The following PPP2R2B variants were observed in gnomAD, a reference collection of about 807,000 sequenced individuals.
The protein encoded by PPP2R2B is protein phosphatase 2 regulatory subunit Bbeta, also known as serine/threonine-protein phosphatase 2A 55 kDa regulatory subunit B beta isoform.
Under a neutral mutation model 46.0 loss-of-function variants are expected in PPP2R2B, and 5 were observed. The ratio of observed to expected loss-of-function variants is 0.11; its 90% confidence interval spans 0.06 to 0.23. The LOEUF (loss-of-function observed/expected upper bound fraction) is 0.23, where lower values mean the gene tolerates loss of function less well. Among genes scored for constraint, PPP2R2B ranks in the 10% least tolerant of loss-of-function variants. The pLI, the probability that PPP2R2B is intolerant of heterozygous loss-of-function variation, is 1.00. For synonymous variants in PPP2R2B, 215 were observed against 206.7 expected (o/e 1.04, Z -0.34); for missense variants, 367 against 575.0 (o/e 0.64, Z 3.70).
chr5:146,699,018 G>A (rs1038544736), intron 3 of PPP2R2B, among the ~76,000 whole-genome samples: 1 of 152,112 alleles, frequency 6.6e-6, no homozygotes, highest in Non-Finnish European at 1.5e-5. Flanking sequence ...AAAGTGGAAA[G>A]GGAAGTTTTA....
chr5:146,815,801 C>T (rs1471672398), intron 2 of PPP2R2B, among the ~76,000 whole-genome samples: 1 of 152,192 alleles, frequency 6.6e-6, no homozygotes, highest in Non-Finnish European at 1.5e-5. Flanking sequence ...CAGAACATCC[C>T]TAAGGATAGG....
chr5:146,985,263 C>T (rs930694795), intron 1 of PPP2R2B, among the ~76,000 whole-genome samples: 1 of 152,050 alleles, frequency 6.6e-6, no homozygotes, highest in African/African-American at 2.4e-5. Context: ...TCGTGATCCA[C>T]CTGCCTCGGC....
At chr5:146,877,026 T>C (rs182944746) in intron 2 of PPP2R2B, among the ~76,000 whole-genome samples, 15 of 152,354 alleles carry the variant, frequency 9.8e-5, no homozygotes, top group African/African-American at 2.6e-4. Context: ...ACATACATTT[T>C]CTCGCATGGA....
intron 1 of PPP2R2B, among the ~76,000 whole-genome samples, chr5:147,018,045 A>G (rs1433641460): frequency 0.022 from 19 of 860 alleles, no homozygotes; most frequent in Non-Finnish European, 0.056. Flanking sequence ...ATGCGCGCGC[A>G]CACACACACA....
chr5:147,060,294 C>T (rs928073587), upstream of PPP2R2B, among the ~76,000 whole-genome samples: 1 of 152,162 alleles, frequency 6.6e-6, no homozygotes, highest in Admixed American at 6.5e-5. Flanking sequence ...AGGCACTGTG[C>T]ATGGTGCCAA....
chr5:147,013,054 A>G (rs1754821479), intron 1 of PPP2R2B, among the ~76,000 whole-genome samples: 1 of 151,228 alleles, frequency 6.6e-6, no homozygotes, highest in South Asian at 2.1e-4. Context: ...TACAAAATCA[A>G]CGTACAAAAA....
chr5:146,763,984 C>T (rs1582047702), intron 2 of PPP2R2B, among the ~76,000 whole-genome samples: 2 of 152,216 alleles, frequency 1.3e-5, no homozygotes, highest in South Asian at 2.1e-4. Flanking sequence ...GCCTTGGCCT[C>T]CCAAAGTGCT....
intron 2 of PPP2R2B, among the ~76,000 whole-genome samples, chr5:146,813,895 G>C (rs1213357894): frequency 6.6e-6 from 1 of 152,144 alleles, no homozygotes; most frequent in Non-Finnish European, 1.5e-5. Context: ...GTCCTGGCAA[G>C]ATGGCAACAG....
At chr5:147,081,430 G>A, upstream of PPP2R2B, 1 of 826,054 alleles carries the variant, frequency 1.2e-6, no homozygotes, top group Non-Finnish European at 1.9e-6. Context: ...GCAGCGTCCT[G>A]GAGTGGTTAC....
At chr5:147,079,469 T>TATACATAC (rs1491141938) in intron 2 of PPP2R2B, among the ~76,000 whole-genome samples, 3 of 139,054 alleles carry the variant, frequency 2.2e-5, no homozygotes, top group African/African-American at 8.0e-5. Context: ...TATATATATA[T>TATACATAC]ACATGTGCAA....
chr5:146,841,472 TCCTA>T (rs1162249987), intron 2 of PPP2R2B, among the ~76,000 whole-genome samples: 1 of 152,064 alleles, frequency 6.6e-6, no homozygotes, highest in Non-Finnish European at 1.5e-5. Context: ...AATTCCTCAT[TCCTA>T]CCTCCCAAAC....
chr5:146,790,814 G>C (rs1756150762), intron 2 of PPP2R2B, among the ~76,000 whole-genome samples: 1 of 152,178 alleles, frequency 6.6e-6, no homozygotes, highest in South Asian at 2.1e-4. Flanking sequence ...ATTCCATTTA[G>C]CATTGAAGAG....
intron 7 of PPP2R2B, among the ~76,000 whole-genome samples, chr5:146,627,430 G>A (rs976628746): frequency 6.6e-6 from 1 of 152,282 alleles, no homozygotes; most frequent in African/African-American, 2.4e-5. Flanking sequence ...ACCAGGGGTT[G>A]GCAATTAAGT....
At chr5:146,781,233 C>T (rs1459590641) in intron 2 of PPP2R2B, among the ~76,000 whole-genome samples, 1 of 139,516 alleles carries the variant, frequency 7.2e-6, no homozygotes, top group Non-Finnish European at 1.5e-5. Flanking sequence ...AGTAAACCTG[C>T]CCCAAATCAC....
At chr5:146,797,196 C>A (rs1756592713) in intron 2 of PPP2R2B, among the ~76,000 whole-genome samples, 1 of 152,288 alleles carries the variant, frequency 6.6e-6, no homozygotes, top group South Asian at 2.1e-4. Context: ...TACAATCATG[C>A]TTTAGCTTTC....
chr5:147,050,767 T>C (rs1245065155), intron 1 of PPP2R2B, among the ~76,000 whole-genome samples: 3 of 152,150 alleles, frequency 2.0e-5, no homozygotes, highest in African/African-American at 4.8e-5. Context: ...TTACTTATTC[T>C]TGTATTATTA....
intron 1 of PPP2R2B, among the ~76,000 whole-genome samples, chr5:147,011,044 C>T (rs547859292): frequency 1.6e-4 from 25 of 152,302 alleles, no homozygotes; most frequent in Admixed American, 7.8e-4. Context: ...ATCCTTGCCA[C>T]GCTCCCTTCC....
intron 2 of PPP2R2B, among the ~76,000 whole-genome samples, chr5:146,828,824 C>A (rs1352511229): frequency 1.3e-5 from 2 of 152,148 alleles, no homozygotes; most frequent in African/African-American, 4.8e-5. Flanking sequence ...CAAATAACTC[C>A]TTACACAGGT....
chr5:146,674,195 A>G (rs550628611), intron 5 of PPP2R2B, among the ~76,000 whole-genome samples: 1 of 152,292 alleles, frequency 6.6e-6, no homozygotes, highest in South Asian at 2.1e-4. Flanking sequence ...TTCTGATAAC[A>G]AGTCCTATGA....
Sources: allele counts gnomAD v4.1 joint callset (sites outside exome capture counted in the v4.1 genomes callset), GRCh38; gene constraint gnomAD v4.1.1; transcripts MANE v1.5; gene names NCBI Gene and HGNC (gene_info 2026-07-23, HGNC 2026-07-21).